IHO1: variants seen among roughly 807,000 people sequenced by gnomAD.
IHO1 encodes interactor of HORMAD1 protein 1.
In IHO1, 13 loss-of-function variants were observed where a neutral mutation model predicts 31.0. That is an observed-to-expected ratio of 0.42 (90% CI 0.27 to 0.67). IHO1 has a LOEUF of 0.67. Ranked by LOEUF, IHO1 falls within the 30% of genes least tolerant of loss-of-function variation. IHO1 has a pLI of 0.24. For synonymous variants in IHO1, 221 were observed against 248.4 expected (o/e 0.89, Z 1.04); for missense variants, 599 against 687.5 (o/e 0.87, Z 1.44).
intron 2 of IHO1, among the ~76,000 whole-genome samples, chr3:49,225,567 A>C (rs545410629): frequency 6.6e-6 from 1 of 152,178 alleles, no homozygotes; most frequent in African/African-American, 2.4e-5. Flanking sequence ...CTCCACCGGT[A>C]GGGGACAACA....
intron 1 of IHO1, among the ~76,000 whole-genome samples, chr3:49,206,910 T>G (rs1045990655): frequency 6.6e-6 from 1 of 151,812 alleles, no homozygotes; most frequent in Admixed American, 6.6e-5. Context: ...TAGCTAGGTG[T>G]GGTGGCAGAT....
At chr3:49,210,722 G>A (rs1286933342) in intron 1 of IHO1, among the ~76,000 whole-genome samples, 7 of 140,020 alleles carry the variant, frequency 5.0e-5, no homozygotes, top group Non-Finnish European at 9.3e-5. Flanking sequence ...TTTGAGATGG[G>A]GTCTCACTCT....
Position 49,241,526 on chromosome 3 carries a change from C to T in IHO1, c.395+137C>T, listed in dbSNP as rs2046630654. ...TCTCCAGAGAAACCAAACCATAGGA[C>T]TTACACACACATACACACACACACA... On this transcript the variant is annotated intron_variant, in intron 4 of 7. Transcript: ENST00000452691. 4.8e-6 allele frequency: 3 copies of T among 629,614 alleles called. No individual in the cohort carries two copies. In the South Asian group the frequency reaches 6.7e-5, roughly 14 times the overall value. 39.0% of individuals were successfully genotyped at this position (629,614 alleles called of 1,614,324 possible).
At chr3:49,227,353 T>C (rs1012325775) in intron 2 of IHO1, among the ~76,000 whole-genome samples, 140 of 152,290 alleles carry the variant, frequency 9.2e-4, no homozygotes, top group African/African-American at 3.2e-3. Flanking sequence ...CTGAGCCTGT[T>C]GATGCCTGAG....
intron 7 of IHO1, 64 bp downstream of exon 7, chr3:49,255,557 ACT>A: frequency 1.0e-4 from 90 of 898,766 alleles, no homozygotes; most frequent in Middle Eastern, 2.5e-4. Context: ...CCAGAGAGAA[ACT>A]TTTTTTTTTT....
chr3:49,256,897 A>G lies in IHO1; in HGVS notation c.1400A>G (p.Gln467Arg). 1 of 1,614,220 alleles carries G rather than the reference A, an allele frequency of 6.2e-7. No individual in the cohort carries two copies. The highest frequency in any genetic ancestry group is 1.7e-5 in the Admixed American group (1 of 60,032). The change falls in exon 8 of 8, where the codon CAG becomes CGG. Residue 467 changes from glutamine to arginine, a missense_variant. Physicochemically the swap from Gln to Arg is conservative, Grantham distance 43 (BLOSUM62 1). Transcript: ENST00000452691. This position sits in a 1 kb window ranked among gnomAD's most constrained non-coding sequence, Gnocchi z 4.6. Reference protein sequence around the residue: ...IASKQKQIPIQTCKFNSKYQS... With the variant: ...IASKQKQIPIRTCKFNSKYQS... ...AGCAAGCAAAAACAAATCCCAATCC[A>G]GACCTGTAAATTCAATTCCAAATAT... is the stretch of plus-strand genomic sequence containing the variant.
At chr3:49,196,438 C>A (rs1309784076), upstream of IHO1, among the ~76,000 whole-genome samples, 1 of 149,366 alleles carries the variant, frequency 6.7e-6, no homozygotes, top group East Asian at 2.0e-4. Context: ...CCTGCCTCAG[C>A]CTCCCAAGTA....
chr3:49,233,049 T>A (rs544573640), intron 2 of IHO1, among the ~76,000 whole-genome samples: 4 of 152,164 alleles, frequency 2.6e-5, no homozygotes, highest in Non-Finnish European at 5.9e-5. Context: ...TTGGGAAGAT[T>A]GCATTGCAGA....
At position 49,257,383 on chromosome 3, in the gene IHO1, G is replaced by C. The variant is rs2046839102; in HGVS notation, c.*101G>C. The C allele has an allele frequency of 8.3e-7, 1 of 1,211,152 alleles. No homozygotes were observed. Among genetic ancestry groups the C allele is most frequent in the Non-Finnish European group, 1.2e-6 (1 of 851,496 alleles). 75.0% of individuals were successfully genotyped at this position (1,211,152 alleles called of 1,614,324 possible). On this transcript the variant is annotated 3_prime_UTR_variant, in exon 8 of 8. Coordinates refer to ENST00000452691, the MANE Select transcript of IHO1 (RefSeq NM_001135197.2). Reference sequence around the variant, plus strand: ...GTCCCTGAAGCCTGCCAAGTACCCAGGGTCAGAGGCCCTGCTGAGGTGGGG... The same window carrying C: ...GTCCCTGAAGCCTGCCAAGTACCCACGGTCAGAGGCCCTGCTGAGGTGGGG...
chr3:49,247,584 T>C (rs1170008826), intron 6 of IHO1, among the ~76,000 whole-genome samples: 1 of 149,124 alleles, frequency 6.7e-6, no homozygotes, highest in Non-Finnish European at 1.5e-5. Context: ...AGTCCAGGAG[T>C]TTGAGACCAG....
intron 2 of IHO1, among the ~76,000 whole-genome samples, chr3:49,215,136 T>A (rs1559440022): frequency 6.6e-6 from 1 of 151,512 alleles, no homozygotes; most frequent in Non-Finnish European, 1.5e-5. Flanking sequence ...CTGCAACCTC[T>A]GCCTCCCAGG....
chr3:49,244,855 G>T, intron 6 of IHO1, 122 bp downstream of exon 6: 1 of 838,218 alleles, frequency 1.2e-6, no homozygotes, highest in Non-Finnish European at 2.0e-6. Context: ...GAGAGGATGG[G>T]TATATAGGGT....
chr3:49,218,122 C>T (rs1247630377), intron 2 of IHO1, among the ~76,000 whole-genome samples: 1 of 152,164 alleles, frequency 6.6e-6, no homozygotes, highest in Non-Finnish European at 1.5e-5. Context: ...GCTGCTTGAG[C>T]TGGCTGCCCC....
Position 49,255,497 on chromosome 3 carries a change from A to G in IHO1, c.636+4A>G. The stretch of plus-strand genomic sequence containing the variant: ...GATGAAGAAAAGATTTGAAGCTGTA[A>G]GTGTAAACCCCAACCTCTTTCTAAG... On this transcript the variant is annotated splice_donor_region_variant and intron_variant, in intron 7 of 7. Coordinates refer to ENST00000452691, the MANE Select transcript of IHO1 (RefSeq NM_001135197.2). 6.3e-7 allele frequency: 1 copy of G among 1,582,706 alleles called. No homozygotes were observed. Among genetic ancestry groups the G allele is most frequent in the Non-Finnish European group, 8.6e-7 (1 of 1,165,438 alleles).
upstream of IHO1, among the ~76,000 whole-genome samples, chr3:49,196,663 TATTGATTG>T (rs112068710): frequency 6.7e-6 from 1 of 149,400 alleles, no homozygotes; most frequent in African/African-American, 2.5e-5. Context: ...TTTGTATTTT[TATTGATTG>T]ATTGATTGAT....
At chr3:49,192,127 A>G in the IHO1 span, among the ~76,000 whole-genome samples, 1 of 152,248 alleles carries the variant, frequency 6.6e-6, no homozygotes, top group African/African-American at 2.4e-5. Flanking sequence ...CTATGCATCC[A>G]TACTGCCAGG....
intron 2 of IHO1, chr3:49,228,357 C>G (rs1384315178): frequency 4.5e-6 from 2 of 447,934 alleles, no homozygotes; most frequent in Admixed American, 4.8e-5. Flanking sequence ...GTTAGAGAGC[C>G]CTTTCCTAGA....
At chr3:49,234,177 T>TTC (rs2046521723) in intron 2 of IHO1, among the ~76,000 whole-genome samples, 1 of 140,904 alleles carries the variant, frequency 7.1e-6, no homozygotes, top group Admixed American at 7.1e-5. Context: ...TTTTTTTTTT[T>TTC]TTTTTTTGGT....
Position 49,236,733 on chromosome 3 carries a change from T to C in IHO1, c.231+11T>C. The stretch of plus-strand genomic sequence containing the variant: ...CAGAACTATCTGGAGGTGAGTCTGG[T>C]TTCCAGAATTGATCTGCACACATTT... On this transcript the variant is annotated intron_variant, in intron 3 of 7. Coordinates refer to ENST00000452691, the MANE Select transcript of IHO1 (RefSeq NM_001135197.2). 1 of 1,606,220 alleles carries C rather than the reference T, an allele frequency of 6.2e-7. No individual in the cohort carries two copies. Among genetic ancestry groups the C allele is most frequent in the Non-Finnish European group, 8.5e-7 (1 of 1,176,804 alleles).
Sources: gnomAD v4.1 joint callset for allele counts (sites outside exome capture counted in the v4.1 genomes callset) on GRCh38, gnomAD v4.1.1 for gene constraint, Gnocchi (gnomAD v3.1) non-coding constraint, MANE v1.5 for transcripts, NCBI Gene and HGNC (gene_info 2026-07-23, HGNC 2026-07-21) for gene names.